The following PPP2R5C variants were observed in gnomAD, a reference collection of about 807,000 sequenced individuals.
PPP2R5C encodes serine/threonine-protein phosphatase 2A 56 kDa regulatory subunit gamma isoform.
Under a neutral mutation model 68.9 loss-of-function variants are expected in PPP2R5C, and 7 were observed. The ratio of observed to expected loss-of-function variants is 0.10; its 90% CI spans 0.06 to 0.19. PPP2R5C has a LOEUF of 0.19. PPP2R5C is among the 10% of genes least tolerant of loss of function. The pLI is 1.00. For synonymous variants in PPP2R5C, 210 were observed against 222.2 expected (o/e 0.95, Z 0.49); for missense variants, 348 against 641.3 (o/e 0.54, Z 4.94).
intron 1 of PPP2R5C, among the ~76,000 whole-genome samples, chr14:101,821,485 A>G (rs999630443): frequency 2.7e-4 from 26 of 96,448 alleles, no homozygotes; most frequent in Non-Finnish European, 4.7e-4. Context: ...GTGTGTGTGT[A>G]TTTATCCACA....
chr14:101,786,716 C>G (rs1295715754), intron 3 of PPP2R5C, among the ~76,000 whole-genome samples: 2 of 152,104 alleles, frequency 1.3e-5, no homozygotes, highest in South Asian at 2.1e-4. Context: ...AATTTCCCCC[C>G]AAATGACACA....
chr14:101,882,443 G>A lies in PPP2R5C; in HGVS notation c.405+172G>A. The A allele has an allele frequency of 2.0e-6, 1 of 507,188 alleles. No homozygotes were observed. Among genetic ancestry groups the A allele is most frequent in the Non-Finnish European group, 3.5e-6 (1 of 283,768 alleles). 31.4% of individuals were successfully genotyped at this position (507,188 alleles called of 1,614,324 possible). A position where few individuals can be genotyped will look rare whatever the true frequency, so the allele number is the denominator to read the frequency against. On this transcript the variant is annotated intron_variant, in intron 3 of 13. Coordinates refer to ENST00000334743, the Ensembl canonical transcript of PPP2R5C. This position sits in a 1 kb window ranked among gnomAD's most constrained non-coding sequence, Gnocchi z 4.9. ...TATTTCAGCAGAATAAAGTTAATGT[G>A]TGTGTTTGACCACTTTACAACAGCC...
chr14:101,876,292 A>G (rs2043773968), intron 2 of PPP2R5C, among the ~76,000 whole-genome samples: 2 of 152,224 alleles, frequency 1.3e-5, no homozygotes, highest in South Asian at 4.1e-4. Flanking sequence ...TTCATCTGTT[A>G]TAAATCCTGT....
chr14:101,892,437 T>C (rs1393012975), intron 6 of PPP2R5C, among the ~76,000 whole-genome samples: 1 of 152,032 alleles, frequency 6.6e-6, no homozygotes, highest in South Asian at 2.1e-4. Flanking sequence ...CTGGCCTGTT[T>C]AGGGAGGAAG....
chr14:101,802,144 G>C (rs1007948826), intron 3 of PPP2R5C, among the ~76,000 whole-genome samples: 1 of 152,214 alleles, frequency 6.6e-6, no homozygotes, highest in African/African-American at 2.4e-5. Context: ...GCCGGGCGCG[G>C]TGGCTCACGC....
intron 2 of PPP2R5C, among the ~76,000 whole-genome samples, chr14:101,866,477 C>G (rs959384445): frequency 3.4e-4 from 51 of 152,100 alleles, no homozygotes; most frequent in African/African-American, 1.2e-3. Context: ...AGCTGAAGGC[C>G]TCGCCAACAT....
intron 1 of PPP2R5C, chr14:101,843,863 C>T: frequency 5.4e-6 from 1 of 183,568 alleles, no homozygotes; most frequent in Non-Finnish European, 1.1e-5. Flanking sequence ...TCCTCCCCAG[C>T]TACTAAGTGC....
chr14:101,785,285 C>T (rs764458207), intron 2 of PPP2R5C, among the ~76,000 whole-genome samples: 20 of 152,266 alleles, frequency 1.3e-4, no homozygotes, highest in Non-Finnish European at 2.4e-4. Context: ...CACCACTGTA[C>T]AAGTTACACA....
chr14:101,780,654 G>A (rs911765542), intron 2 of PPP2R5C, among the ~76,000 whole-genome samples: 4 of 152,100 alleles, frequency 2.6e-5, no homozygotes, highest in Non-Finnish European at 5.9e-5. Context: ...TCTCTCTCTT[G>A]TATTTTCCTA....
At chr14:101,887,733 C>T (rs1469277627) in intron 5 of PPP2R5C, among the ~76,000 whole-genome samples, 1 of 152,154 alleles carries the variant, frequency 6.6e-6, no homozygotes, top group Non-Finnish European at 1.5e-5. Context: ...CAGAGCAGGG[C>T]ACAAGGACAG....
chr14:101,829,661 G>A (rs1319272642), intron 1 of PPP2R5C, among the ~76,000 whole-genome samples: 5 of 152,186 alleles, frequency 3.3e-5, no homozygotes, highest in Admixed American at 3.3e-4. Context: ...TTGCCTCTGT[G>A]TTTGTGTGTG....
chr14:101,889,047 C>T (rs1379595011), intron 5 of PPP2R5C, among the ~76,000 whole-genome samples: 1 of 152,148 alleles, frequency 6.6e-6, no homozygotes, highest in Non-Finnish European at 1.5e-5. Context: ...CCTTCAGTAC[C>T]CAATTCAAGC....
upstream of PPP2R5C, among the ~76,000 whole-genome samples, chr14:101,807,889 A>T (rs1789901613): frequency 6.7e-6 from 1 of 149,472 alleles, no homozygotes; most frequent in African/African-American, 2.5e-5. Flanking sequence ...TTTCCCCCTT[A>T]TTTCTGTATT....
At chr14:101,809,709 A>G (rs559599524), upstream of PPP2R5C, 7 of 795,412 alleles carry the variant, frequency 8.8e-6, no homozygotes, top group East Asian at 2.7e-4. Flanking sequence ...AAAATATCCC[A>G]GCTTTTAAGG....
Position 101,762,237 on chromosome 14 carries a change from G to A in PPP2R5C, c.27+317G>A, listed in dbSNP as rs554614822. Among the ~76,000 whole-genome samples the A allele has an allele frequency of 9.9e-5, 15 of 152,148 alleles. No individual in the cohort carries two copies. The South Asian group carries it at 3.1e-3, about 32-fold the overall frequency. ...GGGGGTCGGAGGGGCGCCCGTTTCC[G>A]ACAGCGCGCCGTGGGCTTGGGCGGG... On this transcript the variant is annotated intron_variant, in intron 1 of 14. Coordinates refer to the PPP2R5C transcript ENST00000328724.
intron 11 of PPP2R5C, 63 bp from the exon 14 acceptor site, chr14:101,912,338 C>T (rs568216114): frequency 1.4e-6 from 2 of 1,405,970 alleles, no homozygotes; most frequent in Admixed American, 2.5e-5. Context: ...GTGCCTTTTC[C>T]CCTTCAGTGT....
chr14:101,836,246 G>A, intron 1 of PPP2R5C: 1 of 702,852 alleles, frequency 1.4e-6, no homozygotes, highest in East Asian at 2.7e-5. Context: ...GCCGCCTACG[G>A]AGCAGCAGGG....
chr14:101,921,859 T>C, intron 13 of PPP2R5C: 1 of 568,376 alleles, frequency 1.8e-6, no homozygotes, highest in East Asian at 1.5e-4. Flanking sequence ...CTATCCTTTA[T>C]TTACATTTCC....
intron 1 of PPP2R5C, chr14:101,820,438 T>C (rs2039983811): frequency 6.6e-6 from 1 of 152,202 alleles, no homozygotes; most frequent in Non-Finnish European, 1.5e-5. Context: ...CAAACAAGCG[T>C]GGGTGAAGAG....
Sources: allele counts gnomAD v4.1 joint callset (sites outside exome capture counted in the v4.1 genomes callset), GRCh38; gene constraint gnomAD v4.1.1; non-coding constraint Gnocchi (gnomAD v3.1); transcripts MANE v1.5; gene names NCBI Gene and HGNC (gene_info 2026-07-23, HGNC 2026-07-21).